Variants in VPS9D1 observed in about 807,000 individuals in gnomAD.
VPS9D1 encodes the protein VPS9 domain-containing protein 1.
VPS9D1 carries 78 observed loss-of-function variants against 75.8 expected under a neutral mutation model. The ratio of observed to expected loss-of-function variants is 1.03; its 90% confidence interval spans 0.86 to 1.24. The LOEUF is 1.24. Among genes scored for constraint, VPS9D1 ranks in the 50% most tolerant of loss-of-function variants. The pLI, the probability that VPS9D1 is intolerant of heterozygous loss-of-function variation, is 0.00. For synonymous variants in VPS9D1, 481 were observed against 385.6 expected, an observed-to-expected ratio of 1.25 and a Z score of -2.90; for missense variants, 1,057 against 847.7, an observed-to-expected ratio of 1.25 and a Z score of -3.07.
Position 89,709,902 on chromosome 16 carries a change from C to A in VPS9D1, c.1263G>T (p.Arg421Ser). The stretch of plus-strand genomic sequence containing the variant: ...AGGCCAGAAGGGTCAGCGAGAGCAG[C>A]CTGTCTGCTAGGAACAGAGCCGGGG... ...AVEEIHNAVDRLLSLTLLAFE... is the reference protein window; with the variant it reads ...AVEEIHNAVDSLLSLTLLAFE... The change falls in exon 11 of 15, where the codon AGG (arginine) becomes AGT (serine). Residue 421 changes from arginine (R) to serine (S), a missense_variant. Transcript: ENST00000389386. The A allele has an allele frequency of 6.2e-7, 1 of 1,607,892 alleles. No individual in the cohort carries two copies. Among genetic ancestry groups the A allele is most frequent in the South Asian group, 1.1e-5 (1 of 90,224 alleles).
rs111671315 is a variant in VPS9D1, at chr16:89,719,480, T to C, written c.100-378A>G. 3,780 of 404,636 alleles carry C rather than the reference T, an allele frequency of 9.3e-3. 26 individuals are homozygous for C. The highest frequency in any genetic ancestry group is 0.013 in the Non-Finnish European group (2,702 of 202,050). 25.1% of individuals were successfully genotyped at this position (404,636 alleles called of 1,614,324 possible). A position where few individuals can be genotyped will look rare whatever the true frequency, so the allele number is the denominator to read the frequency against. ...GTCATTTTTCATTCTATGCAATGTT[T>C]CCTTCTTGTGCAACTCAAGGGTGAT... On this transcript the variant is annotated intron_variant, in intron 1 of 14. Transcript: ENST00000389386.
chr16:89,716,523 G>A lies in VPS9D1; in HGVS notation c.370C>T (p.Pro124Ser). ...TGGAAGATCTCGGGTGGCAGAAAAG[G>A]AGAGAGCTTTCCTCCTTCATCGGAG... Reference protein sequence around the residue: ...VYSDEGGKLSPFLPPEIFQKL... With the variant: ...VYSDEGGKLSSFLPPEIFQKL... The change falls in exon 4 of 15, where the codon CCT (proline) becomes TCT (serine). Residue 124 changes from proline (P) to serine (S), a missense_variant. Pro to Ser is a moderately conservative substitution (Grantham distance 74, BLOSUM62 -1). Transcript: ENST00000389386. 1 of 1,613,998 alleles carries A rather than the reference G, an allele frequency of 6.2e-7. No individual in the cohort carries two copies. Among genetic ancestry groups the A allele is most frequent in the Non-Finnish European group, 8.5e-7 (1 of 1,179,978 alleles).
Position 89,709,351 on chromosome 16 carries a change from G to A in VPS9D1, c.1473C>T (p.Pro491=). The A allele has an allele frequency of 6.3e-7, 1 of 1,587,954 alleles. No individual in the cohort carries two copies. Among genetic ancestry groups the A allele is most frequent in the Non-Finnish European group, 8.5e-7 (1 of 1,169,892 alleles). ...CAGGGTTCTGGGGGAGGAGCTTGGT[G>A]GGGATGCCAATGGCGGTGGGGGGTG... The part of the protein sequence containing the change: ...RNAPPTAIGI[P]TKLLPQNPEA... The change falls in exon 12 of 15, where the codon CCC becomes CCT. Residue 491 remains proline (P), a synonymous_variant. Transcript: ENST00000389386.
intron 12 of VPS9D1, 69 bp from the exon 13 acceptor site, chr16:89,709,025 G>GGGGGGGGGCCC: frequency 1.6e-6 from 1 of 627,162 alleles, no homozygotes; most frequent in Non-Finnish European, 2.0e-6. Flanking sequence ...CTTATACCCC[G>GGGGGGGGGCCC]CCCACCCACC....
At chr16:89,717,335 C>G (rs1007977143) in intron 2 of VPS9D1, 15 of 350,620 alleles carry the variant, frequency 4.3e-5, no homozygotes, top group African/African-American at 2.8e-4. Flanking sequence ...GCTTCACTTG[C>G]AACTGCAGGC....
Position 89,711,885 on chromosome 16 carries a change from G to A in VPS9D1, c.744C>T (p.Asp248=), listed in dbSNP as rs1422439284. 6.4e-7 allele frequency: 1 copy of A among 1,550,750 alleles called. No homozygotes were observed. The highest frequency in any genetic ancestry group is 1.2e-5 in the South Asian group (1 of 84,074). ...LYAAILEYEQ[D]HDWPKHWKAK... ...CCTGGGCCCGTGGGGGACGCACATG[G>A]TCCTGTTCGTACTCCAGGATGGCGG... is the stretch of plus-strand genomic sequence containing the variant. Residue 248 remains aspartate, a synonymous_variant, in exon 8 of 15, where the codon GAC becomes GAT. Transcript: ENST00000389386.
In VPS9D1 at chr16:89,710,971, C is replaced by T. The variant is rs912263630; in HGVS notation, c.873G>A (p.Leu291=). The change falls in exon 10 of 15, where the codon CTG becomes CTA. Residue 291 remains leucine (L), a synonymous_variant. Coordinates refer to ENST00000389386, the MANE Select transcript of VPS9D1 (RefSeq NM_004913.3). ...ACAGGGCGCTGTACACGGAGCACTGCAGCCGCCTCAGGAGCTGCGCGATCG... is the reference window on the plus strand; with the variant it reads ...ACAGGGCGCTGTACACGGAGCACTGTAGCCGCCTCAGGAGCTGCGCGATCG... ...DHPIAQLLRR[L]QCSVYSALYP... 7 of 1,445,464 alleles carry T rather than the reference C, an allele frequency of 4.8e-6. No individual in the cohort carries two copies. The highest frequency in any genetic ancestry group is 1.4e-5 in the African/African-American group (1 of 69,990). 89.5% of individuals were successfully genotyped at this position (1,445,464 alleles called of 1,614,324 possible).
intron 1 of VPS9D1, 197 bp from the exon 2 acceptor site, chr16:89,719,299 C>T: frequency 1.5e-6 from 1 of 648,656 alleles, no homozygotes; most frequent in Non-Finnish European, 2.8e-6. Context: ...GGCAGCATCG[C>T]TGCTCTCCAG....
chr16:89,716,628 C>A lies in VPS9D1; in HGVS notation c.269-4G>T. ...GTTGGCTTCAGGCGTGTTTTCCCTG[C>A]AAGCCATGGGTAACCAGGGGTCAAG... On this transcript the variant is annotated splice_polypyrimidine_tract_variant and splice_region_variant and intron_variant, in intron 3 of 14. Transcript: ENST00000389386. The A allele has an allele frequency of 1.2e-6, 2 of 1,612,494 alleles. No homozygotes were observed. Among genetic ancestry groups the A allele is most frequent in the Non-Finnish European group, 1.7e-6 (2 of 1,178,964 alleles).
At chr16:89,710,069 G>A (rs2060880905) in intron 10 of VPS9D1, among the ~76,000 whole-genome samples, 163 bp from the exon 11 acceptor site, 1 of 152,194 alleles carries the variant, frequency 6.6e-6, no homozygotes, top group Non-Finnish European at 1.5e-5. Flanking sequence ...GGGAGTCCGG[G>A]ACTGGAAACG....
chr16:89,712,291 C>G (rs1473912919), intron 6 of VPS9D1, 169 bp downstream of exon 6: 7 of 1,317,754 alleles, frequency 5.3e-6, no homozygotes, highest in Admixed American at 2.4e-5. Context: ...ACATGGGGGA[C>G]GGCGGCCGGG....
chr16:89,712,027 G>C lies in VPS9D1; in HGVS notation c.659+20C>G. On this transcript the variant is annotated intron_variant, in intron 7 of 14. Transcript: ENST00000389386. ...CCAGGCCCTCCCCGCAGCGGCCCCA[G>C]GGGCGGGCAGGAGTCCCACCTGTTG... 1.3e-6 allele frequency: 2 copies of C among 1,549,170 alleles called. No individual in the cohort carries two copies. Among genetic ancestry groups the C allele is most frequent in the Non-Finnish European group, 1.7e-6 (2 of 1,146,520 alleles).
chr16:89,716,238 C>A (rs982224163), intron 4 of VPS9D1, among the ~76,000 whole-genome samples: 1 of 151,930 alleles, frequency 6.6e-6, no homozygotes, highest in African/African-American at 2.4e-5. Flanking sequence ...TGGTGGTGGG[C>A]GCCTGTAGTC....
rs771189332 is a variant in VPS9D1 at position 89,710,660 on chromosome 16, C to G, written c.1184G>C (p.Arg395Pro). The G allele has an allele frequency of 6.2e-7, 1 of 1,611,692 alleles. No homozygotes were observed. The highest frequency in any genetic ancestry group is 8.5e-7 in the Non-Finnish European group (1 of 1,179,588). The change falls in exon 10 of 15, where the codon CGG becomes CCG. Residue 395 changes from arginine (R) to proline (P), a missense_variant. By Grantham distance (103) the Arg-to-Pro change is moderately radical. Transcript: ENST00000389386. ...GGGCTCCGGCTGTACCCCACGGCCC[C>G]GGCCCTGCCGCTCAGACGTCCCCAG... The part of the protein sequence containing the change: ...QFLGTSERQG[R>P]GRGVQPEPQL...
chr16:89,720,027 GT>G (rs1044836358), intron 1 of VPS9D1, among the ~76,000 whole-genome samples: 2 of 152,138 alleles, frequency 1.3e-5, no homozygotes, highest in African/African-American at 4.8e-5. Context: ...AATATGCTAT[GT>G]TTTTTTGTTT....
At chr16:89,718,899 G>C in intron 2 of VPS9D1, 128 bp downstream of exon 2, 1 of 747,652 alleles carries the variant, frequency 1.3e-6, no homozygotes, top group Non-Finnish European at 2.2e-6. Flanking sequence ...ATTTTTAGTA[G>C]AGACGGGGTT....
At chr16:89,713,929 G>A (rs553182885) in intron 4 of VPS9D1, among the ~76,000 whole-genome samples, 1 of 152,078 alleles carries the variant, frequency 6.6e-6, no homozygotes, top group Admixed American at 6.6e-5. Flanking sequence ...AAAAATCACT[G>A]AGGTTTTTTT....
At position 89,709,245 on chromosome 16, in the gene VPS9D1, T is replaced by G. The variant is rs762248924; in HGVS notation, c.1579A>C (p.Lys527Gln). ...TGCTGACCTATGCACTCCAGCTTCT[T>G]CTGGGGGCAGCTCTCCAGGACCAGC... ...GLLVLESCPQ[K>Q]KLECIVRTLR... Residue 527 changes from lysine to glutamine, a missense_variant, in exon 12 of 15, where the codon AAG (lysine) becomes CAG (glutamine). Lys to Gln is a moderately conservative substitution (Grantham distance 53). Coordinates refer to ENST00000389386, the MANE Select transcript of VPS9D1 (RefSeq NM_004913.3). The G allele has an allele frequency of 2.1e-5, 34 of 1,611,794 alleles. No homozygotes were observed. In the South Asian group the frequency reaches 3.7e-4, roughly 18 times the overall value.
At chr16:89,711,745 AC>A (rs2060930021) in intron 8 of VPS9D1, 136 bp downstream of exon 8, 1 of 974,762 alleles carries the variant, frequency 1.0e-6, no homozygotes. Flanking sequence ...GGGCCCTCCC[AC>A]GGGCCTCTGG....
Sources: allele counts gnomAD v4.1 joint callset (sites outside exome capture counted in the v4.1 genomes callset), GRCh38; gene constraint gnomAD v4.1.1; transcripts MANE v1.5; gene names NCBI Gene and HGNC (gene_info 2026-07-23, HGNC 2026-07-21).